Variants in ULK4 observed in about 807,000 individuals in gnomAD.
ULK4 encodes unc-51 like kinase 4.
Under a neutral mutation model 160.6 loss-of-function variants are expected in ULK4, and 133 were observed. The observed-to-expected ratio is 0.83, with a 90% CI of 0.72 to 0.96. The LOEUF (loss-of-function observed/expected upper bound fraction) is 0.96. Among genes scored for constraint, ULK4 ranks in the 40% least tolerant of loss-of-function variants. The pLI is 0.00. For missense variants in ULK4, 1,580 were observed against 1,499.5 expected (o/e 1.05, Z -0.89); for synonymous variants, 534 against 539.8 (o/e 0.99, Z 0.15).
intron 22 of ULK4, among the ~76,000 whole-genome samples, chr3:41,731,141 A>T (rs1473042776): frequency 6.6e-6 from 1 of 152,000 alleles, no homozygotes; most frequent in Non-Finnish European, 1.5e-5. Context: ...AGACAAGGAT[A>T]CTCACTTTCA....
chr3:41,709,058 T>C (rs898506395), intron 25 of ULK4, among the ~76,000 whole-genome samples: 1 of 152,188 alleles, frequency 6.6e-6, no homozygotes, highest in African/African-American at 2.4e-5. Flanking sequence ...ACAATACAAA[T>C]GCATCTATAT....
chr3:41,698,788 T>G (rs1165282013), intron 27 of ULK4, among the ~76,000 whole-genome samples: 1 of 152,232 alleles, frequency 6.6e-6, no homozygotes, highest in Non-Finnish European at 1.5e-5. Context: ...AGGAACATTA[T>G]GAAGCCCCCT....
chr3:41,872,405 T>C (rs923540878), intron 17 of ULK4, among the ~76,000 whole-genome samples: 7 of 152,224 alleles, frequency 4.6e-5, no homozygotes, highest in African/African-American at 1.7e-4. Flanking sequence ...CTGCTCTTAC[T>C]ATGATTTTTC....
At chr3:41,756,906 C>T (rs1274878936) in intron 21 of ULK4, among the ~76,000 whole-genome samples, 1 of 152,026 alleles carries the variant, frequency 6.6e-6, no homozygotes, top group African/African-American at 2.4e-5. Context: ...GGAATACAAA[C>T]ATATATACAT....
rs1272299887 is a variant in ULK4, at chr3:41,312,839, A to C, written c.3679-63265T>G. 2.6e-5 allele frequency among the ~76,000 whole-genome samples: 4 copies of C among 152,102 alleles called. No individual in the cohort carries two copies. In the East Asian group the frequency reaches 7.7e-4, roughly 29 times the overall value. On this transcript the variant is annotated intron_variant, in intron 35 of 36. Transcript: ENST00000301831. ...AAAAACAAAAACTAATCAACCAAACAAAAAAACTTGTGGAATGCAGTGTAA... is the reference window on the plus strand; with the variant it reads ...AAAAACAAAAACTAATCAACCAAACCAAAAAACTTGTGGAATGCAGTGTAA...
chr3:41,874,355 G>C (rs1697222547), intron 17 of ULK4, among the ~76,000 whole-genome samples: 2 of 152,148 alleles, frequency 1.3e-5, no homozygotes, highest in South Asian at 4.1e-4. Flanking sequence ...GAAGAACTAA[G>C]TTAAATAATG....
chr3:41,894,435 TAGA>T (rs1456771529), intron 16 of ULK4, among the ~76,000 whole-genome samples: 1 of 152,172 alleles, frequency 6.6e-6, no homozygotes, highest in Admixed American at 6.6e-5. Context: ...TTCACCAACA[TAGA>T]AGAATAATTA....
At chr3:41,903,566 C>T (rs1716662) in intron 12 of ULK4, among the ~76,000 whole-genome samples, 139,828 of 150,406 alleles carry the variant, frequency 0.93, 65,741 homozygotes, top group East Asian at 1. Flanking sequence ...TCTGGGCAAA[C>T]AGAGCGAGAC....
chr3:41,354,149 G>T (rs2080981855), intron 35 of ULK4, among the ~76,000 whole-genome samples: 1 of 152,196 alleles, frequency 6.6e-6, no homozygotes, highest in Non-Finnish European at 1.5e-5. Context: ...GAACCTGAAT[G>T]CAAGGGAGGC....
chr3:41,743,629 A>C (rs1196919017), intron 22 of ULK4, among the ~76,000 whole-genome samples: 1 of 152,038 alleles, frequency 6.6e-6, no homozygotes, highest in Admixed American at 6.6e-5. Context: ...ACCATCTGAT[A>C]AACTGCTCAA....
At chr3:41,680,599 A>T (rs2035893326) in intron 29 of ULK4, among the ~76,000 whole-genome samples, 1 of 152,200 alleles carries the variant, frequency 6.6e-6, no homozygotes, top group African/African-American at 2.4e-5. Flanking sequence ...AACTCTTAAC[A>T]TTGGCCAAAA....
intron 34 of ULK4, among the ~76,000 whole-genome samples, chr3:41,421,912 T>C (rs1005780795): frequency 6.6e-6 from 1 of 152,182 alleles, no homozygotes; most frequent in Non-Finnish European, 1.5e-5. Flanking sequence ...ATCTTGTAGA[T>C]GCAAAATATC....
intron 18 of ULK4, among the ~76,000 whole-genome samples, chr3:41,822,852 G>A (rs2041193575): frequency 6.7e-6 from 1 of 150,206 alleles, no homozygotes; most frequent in Admixed American, 6.7e-5. Flanking sequence ...CTCCCAAGTA[G>A]CTGGGACTAC....
intron 18 of ULK4, among the ~76,000 whole-genome samples, chr3:41,826,119 T>C (rs1232261929): frequency 6.6e-6 from 1 of 152,164 alleles, no homozygotes; most frequent in Non-Finnish European, 1.5e-5. Context: ...TGACAGATTT[T>C]GACACCACCA....
intron 21 of ULK4, among the ~76,000 whole-genome samples, chr3:41,776,741 T>C (rs957985705): frequency 1.9e-5 from 2 of 103,750 alleles, no homozygotes; most frequent in African/African-American, 4.3e-5. Context: ...TTTGCGTATA[T>C]TGAACCAGCC....
intron 32 of ULK4, among the ~76,000 whole-genome samples, chr3:41,498,769 A>C (rs1225361862): frequency 6.6e-6 from 1 of 151,680 alleles, no homozygotes; most frequent in African/African-American, 2.4e-5. Flanking sequence ...CTAATTTTTT[A>C]TATTTTTAGT....
At chr3:41,365,104 G>C (rs2081229747) in intron 35 of ULK4, among the ~76,000 whole-genome samples, 1 of 152,158 alleles carries the variant, frequency 6.6e-6, no homozygotes, top group Non-Finnish European at 1.5e-5. Context: ...CAGTATTTCA[G>C]CATTTTTACT....
At chr3:41,271,730 T>C (rs2125686550) in intron 35 of ULK4, among the ~76,000 whole-genome samples, 1 of 152,154 alleles carries the variant, frequency 6.6e-6, no homozygotes, top group East Asian at 1.9e-4. Flanking sequence ...AGTATTCTAT[T>C]GTTTGGATAC....
intron 29 of ULK4, among the ~76,000 whole-genome samples, chr3:41,668,854 T>TA (rs2035437289): frequency 1.3e-5 from 2 of 152,182 alleles, no homozygotes; most frequent in African/African-American, 2.4e-5. Context: ...ATAACAAATG[T>TA]AAAATGAATG....
Sources: gnomAD v4.1 joint callset for allele counts (sites outside exome capture counted in the v4.1 genomes callset) on GRCh38, gnomAD v4.1.1 for gene constraint, MANE v1.5 for transcripts, NCBI Gene and HGNC (gene_info 2026-07-23, HGNC 2026-07-21) for gene names.